Variants in MACF1 observed in about 807,000 individuals in gnomAD.
The protein encoded by MACF1 is microtubule-actin cross-linking factor 1.
In MACF1, 193 loss-of-function variants were observed where a neutral mutation model predicts 854.8. That is an observed-to-expected ratio of 0.23 (90% confidence interval 0.20 to 0.25). MACF1 has a LOEUF of 0.25. Among genes scored for constraint, MACF1 ranks in the 10% least tolerant of loss-of-function variants. MACF1 has a pLI of 1.00. For synonymous variants in MACF1, 3,185 were observed against 3,226.7 expected, an observed-to-expected ratio of 0.99 and a Z score of 0.44; for missense variants, 7,722 against 8,929.1, an observed-to-expected ratio of 0.86 and a Z score of 5.45.
chr1:39,166,926 T>G (rs1643888556), intron 2 of MACF1, among the ~76,000 whole-genome samples: 3 of 152,112 alleles, frequency 2.0e-5, no homozygotes, highest in Admixed American at 1.3e-4. Context: ...TTAGTTTGTT[T>G]AGGATGCAAA....
At chr1:39,311,725 TATAAGAA>T (rs747744942) in intron 26 of MACF1, among the ~76,000 whole-genome samples, 5 of 152,206 alleles carry the variant, frequency 3.3e-5, no homozygotes, top group African/African-American at 4.8e-5. Context: ...CAGTATAAGA[TATAAGAA>T]ATGTCATGAA....
chr1:39,340,768 A>G, intron 39 of MACF1, 36 bp from the exon 40 acceptor site: 1 of 1,611,996 alleles, frequency 6.2e-7, no homozygotes, highest in Non-Finnish European at 8.5e-7. Flanking sequence ...GGTGGCTGGG[A>G]GATTTTCATA....
intron 58 of MACF1, chr1:39,411,799 G>A: frequency 6.2e-7 from 1 of 1,613,732 alleles, no homozygotes; most frequent in Non-Finnish European, 8.5e-7. Context: ...TCATTTTTCA[G>A]GGGCTGCCTT....
chr1:39,480,310 T>C (rs560737714), intron 98 of MACF1, among the ~76,000 whole-genome samples: 3 of 152,266 alleles, frequency 2.0e-5, no homozygotes, highest in Non-Finnish European at 4.4e-5. Flanking sequence ...CCATCCAGTG[T>C]TACTACTTTT....
At chr1:39,293,383 C>A in intron 17 of MACF1, 75 bp from the exon 18 acceptor site, 1 of 1,272,888 alleles carries the variant, frequency 7.9e-7, no homozygotes, top group South Asian at 1.6e-5. Context: ...TTATTCTCTC[C>A]TTTGATGTCA....
chr1:39,191,391 G>T (rs1279912434), intron 2 of MACF1, among the ~76,000 whole-genome samples: 1 of 152,104 alleles, frequency 6.6e-6, no homozygotes, highest in Non-Finnish European at 1.5e-5. Flanking sequence ...CAAAATGTTT[G>T]CACTAACTCC....
In MACF1 at chr1:39,332,943, G is replaced by A. The variant is rs750815936; in HGVS notation, c.6355G>A (p.Ala2119Thr). 3 of 1,614,142 alleles carry A rather than the reference G, an allele frequency of 1.9e-6. No homozygotes were observed. In the South Asian group the frequency reaches 3.3e-5, roughly 18 times the overall value. Reference protein sequence around the residue: ...LIGTQREDQTAVSVRENASRG... With the variant: ...LIGTQREDQTTVSVRENASRG... ...AGGTACCCAAAGGGAAGACCAAACA[G>A]CAGTGTCTGTCAGAGAAAATGCCAG... The change falls in exon 37 of 101, where the codon GCA (alanine) becomes ACA (threonine). Residue 2119 changes from alanine to threonine, a missense_variant. Physicochemically the swap from Ala to Thr is moderately conservative, Grantham distance 58 (BLOSUM62 0). Around this residue, in one of 15 missense-constraint regions of MACF1, gnomAD observed 1,531 missense variants for 1,601.6 expected, o/e 0.96. Transcript: ENST00000564288.
At chr1:39,310,021 G>T (rs1262116123) in intron 24 of MACF1, among the ~76,000 whole-genome samples, 1 of 152,196 alleles carries the variant, frequency 6.6e-6, no homozygotes, top group Non-Finnish European at 1.5e-5. Context: ...ATTATTAAGA[G>T]TTATGTCCAG....
chr1:39,309,178 G>A (rs935297756), intron 23 of MACF1, among the ~76,000 whole-genome samples: 7 of 151,828 alleles, frequency 4.6e-5, no homozygotes, highest in African/African-American at 1.7e-4. Context: ...ACATTTATGA[G>A]ATTACTAAAT....
intron 1 of MACF1, among the ~76,000 whole-genome samples, chr1:39,213,362 C>T (rs886272280): frequency 4.6e-5 from 7 of 152,102 alleles, no homozygotes; most frequent in African/African-American, 1.7e-4. Context: ...GAGAGAGTCT[C>T]GCTCTGTGGC....
rs114260798 is a variant in MACF1, at chr1:39,175,674, C to G, written c.221-55508C>G. On this transcript the variant is annotated intron_variant, in intron 2 of 93. Transcript: ENST00000361689. ...CTTCCCTTTTAAAAATCCTCACTGC[C>G]GGGGGCAGTGGCTCACACCTATAAT... Among the ~76,000 whole-genome samples, 35 of 152,128 alleles carry G rather than the reference C, an allele frequency of 2.3e-4. No homozygotes were observed. The South Asian group carries it at 6.8e-3, about 30-fold the overall frequency.
chr1:39,388,604 G>A lies in MACF1; in HGVS notation c.15762G>A (p.Gln5254=). 6.2e-7 allele frequency: 1 copy of A among 1,607,748 alleles called. No homozygotes were observed. The highest frequency in any genetic ancestry group is 8.5e-7 in the Non-Finnish European group (1 of 1,177,776). Residue 5254 remains glutamine (Q), a synonymous_variant, in exon 58 of 101, where the codon CAG becomes CAA. Transcript: ENST00000564288. ...TTAAEEAEAL[Q]WVVGTEVEII... Reference sequence around the variant, plus strand: ...CAGCAGAGGAGGCAGAGGCCCTCCAGTGGGTAGTGGGGACCGAAGTGGAAA... The same window carrying A: ...CAGCAGAGGAGGCAGAGGCCCTCCAATGGGTAGTGGGGACCGAAGTGGAAA...
upstream of MACF1, among the ~76,000 whole-genome samples, chr1:39,199,849 A>C (rs1325482879): frequency 6.6e-6 from 1 of 152,118 alleles, no homozygotes; most frequent in African/African-American, 2.4e-5. Context: ...GAAGAGAGGG[A>C]GCTCCAGCTT....
chr1:39,201,497 C>G (rs143196008), upstream of MACF1, among the ~76,000 whole-genome samples: 4 of 152,056 alleles, frequency 2.6e-5, no homozygotes, highest in African/African-American at 9.7e-5. Context: ...GGACTACAGG[C>G]GCGTGCCACC....
At chr1:39,295,650 A>G (rs1645884538) in intron 19 of MACF1, 137 bp from the exon 20 acceptor site, 1 of 635,600 alleles carries the variant, frequency 1.6e-6, no homozygotes, top group South Asian at 2.1e-5. Context: ...CATTGAGCAG[A>G]TGCCAGTCAA....
chr1:39,448,948 C>T (rs1644279946), intron 84 of MACF1, among the ~76,000 whole-genome samples, 185 bp downstream of exon 84: 1 of 152,192 alleles, frequency 6.6e-6, no homozygotes, highest in Non-Finnish European at 1.5e-5. Flanking sequence ...TCATTTTAAA[C>T]TTGAACCTTA....
chr1:39,303,805 G>A (rs561467303), intron 23 of MACF1, among the ~76,000 whole-genome samples: 6 of 151,274 alleles, frequency 4.0e-5, no homozygotes, highest in Non-Finnish European at 7.4e-5. Context: ...CTGGGAGGTC[G>A]AGTTTGCAGT....
At chr1:39,354,798 C>T (rs968284253) in intron 44 of MACF1, among the ~76,000 whole-genome samples, 1 of 152,206 alleles carries the variant, frequency 6.6e-6, no homozygotes, top group Non-Finnish European at 1.5e-5. Flanking sequence ...CTGTTTCTTA[C>T]AGGCTGCCTG....
At chr1:39,366,096 A>G (rs72661961) in intron 49 of MACF1, among the ~76,000 whole-genome samples, 24,348 of 151,884 alleles carry the variant, frequency 0.16, 2,428 homozygotes, top group Middle Eastern at 0.22. Context: ...GTCCTCCTCA[A>G]TTTTTTTCTT....
Sources: allele counts gnomAD v4.1 joint callset (sites outside exome capture counted in the v4.1 genomes callset), GRCh38; gene constraint gnomAD v4.1.1; regional missense constraint gnomAD v4.1.1; transcripts MANE v1.5; gene names NCBI Gene and HGNC (gene_info 2026-07-23, HGNC 2026-07-21).